DNAH17: variants seen among roughly 807,000 people sequenced by gnomAD.
DNAH17 encodes dynein axonemal heavy chain 17.
A neutral mutation model predicts 485.6 loss-of-function variants in DNAH17; 376 were observed. That is an observed-to-expected ratio of 0.77 (90% CI 0.71 to 0.84). The LOEUF (loss-of-function observed/expected upper bound fraction) is 0.84. DNAH17 is among the 40% of genes least tolerant of loss of function. The pLI is 0.00. For missense variants in DNAH17, 6,370 were observed against 5,839.3 expected (o/e 1.09, Z -2.96); for synonymous variants, 3,031 against 2,405.9 (o/e 1.26, Z -7.60).
At chr17:78,451,163 A>C (rs1220731030) in intron 66 of DNAH17, among the ~76,000 whole-genome samples, 1 of 152,256 alleles carries the variant, frequency 6.6e-6, no homozygotes, top group Non-Finnish European at 1.5e-5. Flanking sequence ...CAGCCAGGCC[A>C]TTCTTGCAGG....
intron 73 of DNAH17, among the ~76,000 whole-genome samples, chr17:78,438,429 A>AGGAG (rs1568050654): frequency 2.0e-4 from 1 of 4,970 alleles, no homozygotes; most frequent in Non-Finnish European, 3.8e-4. Flanking sequence ...GAGGAGAAGG[A>AGGAG]GGAGGAGGAG....
chr17:78,543,810 G>A (rs1007225747), intron 17 of DNAH17, 47 bp downstream of exon 17: 11 of 1,613,152 alleles, frequency 6.8e-6, no homozygotes, highest in Admixed American at 3.3e-5. Context: ...TCTCCTCCCT[G>A]CTAAAAGCAA....
intron 9 of DNAH17, 84 bp from the exon 10 acceptor site, chr17:78,567,250 A>G: frequency 6.8e-7 from 1 of 1,475,256 alleles, no homozygotes; most frequent in Non-Finnish European, 9.2e-7. Flanking sequence ...GACCCCAGGC[A>G]GGAGGAGCTG....
intron 63 of DNAH17, among the ~76,000 whole-genome samples, chr17:78,455,411 C>T (rs982023713): frequency 2.0e-5 from 3 of 151,650 alleles, no homozygotes; most frequent in African/African-American, 7.3e-5. Flanking sequence ...CTGCAACCTC[C>T]GCCTCCAAGG....
chr17:78,560,658 A>T, intron 13 of DNAH17, 82 bp downstream of exon 13: 1 of 1,398,238 alleles, frequency 7.2e-7, no homozygotes, highest in Non-Finnish European at 9.6e-7. Context: ...CGACCTCCAT[A>T]AATCCGTGCT....
Position 78,574,566 on chromosome 17 carries a change from G to T in DNAH17, c.345+147C>A, listed in dbSNP as rs141010877. 1,216 of 684,930 alleles carry T rather than the reference G, an allele frequency of 1.8e-3. 11 individuals are homozygous for T. In the African/African-American group the frequency reaches 0.02, roughly 11 times the overall value. The allele number at this position is 684,930 out of a possible 1,614,324, so 42.4% of individuals were successfully genotyped here. A position where few individuals can be genotyped will look rare whatever the true frequency, so the allele number is the denominator to read the frequency against. On this transcript the variant is annotated intron_variant, in intron 2 of 80. Coordinates refer to ENST00000389840, the MANE Select transcript of DNAH17 (RefSeq NM_173628.4). ...TCTGTCTCAGCAGGTCAGGGTGGAC[G>T]GGGCCCGAGCGCCTGCATTTCCAAT...
At chr17:78,546,698 G>A (rs148343567) in intron 16 of DNAH17, among the ~76,000 whole-genome samples, 3,096 of 152,310 alleles carry the variant, frequency 0.02, 54 homozygotes, top group Non-Finnish European at 0.03. Flanking sequence ...CTGAGGCCAG[G>A]AATTTGAGAC....
chr17:78,427,966 CAAAAAAAAA>C (rs55900135), intron 77 of DNAH17, among the ~76,000 whole-genome samples: 4 of 98,240 alleles, frequency 4.1e-5, no homozygotes, highest in South Asian at 3.6e-4. Flanking sequence ...AACTCCGTCT[CAAAAAAAAA>C]AAAAAAAAAA....
chr17:78,534,958 G>T (rs2091335007), intron 19 of DNAH17, among the ~76,000 whole-genome samples: 1 of 152,308 alleles, frequency 6.6e-6, no homozygotes, highest in African/African-American at 2.4e-5. Flanking sequence ...GTGGCCCTGG[G>T]ACCCAGCAGT....
At chr17:78,502,787 T>C (rs897469686) in intron 32 of DNAH17, 89 bp from the exon 33 acceptor site, 43 of 1,588,828 alleles carry the variant, frequency 2.7e-5, no homozygotes, top group Middle Eastern at 1.7e-4. Context: ...TTAGATGGTT[T>C]TCCAGGGGAC....
rs188084721 is a variant in DNAH17 at position 78,566,202 on chromosome 17, C to G, written c.1569+412G>C. 1.0e-3 allele frequency among the ~76,000 whole-genome samples: 155 copies of G among 152,194 alleles called. 1 individual carries two copies. Among genetic ancestry groups the G allele is most frequent in the Non-Finnish European group, 1.5e-3 (103 of 67,998 alleles). ...GGTCTACAGCAGTTTGTTATAGTAG[C>G]CTGCATGGACGAAGGCACTCTATAA... On this transcript the variant is annotated intron_variant, in intron 11 of 80. Coordinates refer to ENST00000389840, the MANE Select transcript of DNAH17 (RefSeq NM_173628.4).
rs377353915 is a variant in DNAH17 at position 78,479,362 on chromosome 17, G to A, written c.7900+123C>T. ...ATTTCTCCTGTCGAAACATAGCATC[G>A]TTTTTAAGATATTGATTTAGAATTA... On this transcript the variant is annotated intron_variant, in intron 50 of 80. Coordinates refer to ENST00000389840, the MANE Select transcript of DNAH17 (RefSeq NM_173628.4). The A allele has an allele frequency of 8.8e-5, 113 of 1,290,596 alleles. 1 individual carries two copies. The highest frequency in any genetic ancestry group is 3.6e-4 in the East Asian group (14 of 38,392). The allele number at this position is 1,290,596 out of a possible 1,614,324, so 79.9% of individuals were successfully genotyped here. A position where few individuals can be genotyped will look rare whatever the true frequency, so the allele number is the denominator to read the frequency against.
At chr17:78,493,801 G>A (rs1180594735) in intron 41 of DNAH17, among the ~76,000 whole-genome samples, 1 of 152,246 alleles carries the variant, frequency 6.6e-6, no homozygotes. Context: ...GGAAGACAAG[G>A]AGGAACAGGG....
rs149945771 is a variant in DNAH17 at position 78,425,498 on chromosome 17, G to A, written c.12989C>T (p.Ser4330Leu). The A allele has an allele frequency of 2.2e-5, 36 of 1,613,818 alleles. No homozygotes were observed. Among genetic ancestry groups the A allele is most frequent in the South Asian group, 9.9e-5 (9 of 91,072 alleles). ...VWLAGFFNPQ[S>L]FLTAIMQSMA... The stretch of plus-strand genomic sequence containing the variant: ...GGACTGCATGATGGCCGTGAGGAAC[G>A]ACTGGGGGTTGAAGAAGCCGGCCAG... Residue 4330 changes from serine to leucine, a missense_variant, in exon 80 of 81, where the codon TCG becomes TTG. Physicochemically the swap from Ser to Leu is moderately radical, Grantham distance 145. Coordinates refer to ENST00000389840, the MANE Select transcript of DNAH17 (RefSeq NM_173628.4).
chr17:78,438,750 T>A (rs1220062153), intron 73 of DNAH17, among the ~76,000 whole-genome samples: 1 of 151,988 alleles, frequency 6.6e-6, no homozygotes, highest in Non-Finnish European at 1.5e-5. Flanking sequence ...CCGCCTGCCT[T>A]GGCCTCCCAA....
chr17:78,462,379 T>C (rs1322882799), intron 57 of DNAH17, among the ~76,000 whole-genome samples: 2 of 151,792 alleles, frequency 1.3e-5, no homozygotes, highest in African/African-American at 4.8e-5. Flanking sequence ...AGGGTGTCAA[T>C]GGTGGGCAAT....
At chr17:78,484,228 G>A (rs372457026) in intron 48 of DNAH17, among the ~76,000 whole-genome samples, 1 of 151,590 alleles carries the variant, frequency 6.6e-6, no homozygotes, top group Admixed American at 6.6e-5. Flanking sequence ...CTGTCCCGAG[G>A]CCCTGGGATT....
chr17:78,576,544 T>C (rs1188356788), intron 1 of DNAH17, among the ~76,000 whole-genome samples: 1 of 152,138 alleles, frequency 6.6e-6, no homozygotes, highest in African/African-American at 2.4e-5. Context: ...CACAGGGCTT[T>C]CAGCATGCTG....
chr17:78,545,687 T>C (rs952301035), intron 16 of DNAH17, among the ~76,000 whole-genome samples: 2 of 152,206 alleles, frequency 1.3e-5, no homozygotes, highest in African/African-American at 2.4e-5. Context: ...GTACAGTCCA[T>C]GGCAGTATAA....
Sources: gnomAD v4.1 joint callset for allele counts (sites outside exome capture counted in the v4.1 genomes callset) on GRCh38, gnomAD v4.1.1 for gene constraint, MANE v1.5 for transcripts, NCBI Gene and HGNC (gene_info 2026-07-23, HGNC 2026-07-21) for gene names.